The following AKAP6 variants were observed in gnomAD, a reference collection of about 807,000 sequenced individuals.
AKAP6 encodes the protein A-kinase anchoring protein 6.
In AKAP6, 58 loss-of-function variants were observed where a neutral mutation model predicts 188.5. The ratio of observed to expected loss-of-function variants is 0.31; its 90% CI spans 0.25 to 0.38. AKAP6 has a LOEUF of 0.38. Among genes scored for constraint, AKAP6 ranks in the 10% least tolerant of loss-of-function variants. AKAP6 has a pLI of 1.00. For missense variants in AKAP6, 2,710 were observed against 2,740.0 expected (o/e 0.99, Z 0.24); for synonymous variants, 989 against 998.6 (o/e 0.99, Z 0.18).
At chr14:32,824,855 T>C in intron 13 of AKAP6, 40 bp downstream of exon 13, 2 of 1,487,238 alleles carry the variant, frequency 1.3e-6, no homozygotes, top group Non-Finnish European at 1.8e-6. Context: ...TTTAAAATAT[T>C]GAGTTCAGGT....
At chr14:32,708,756 C>G (rs764030054) in intron 9 of AKAP6, among the ~76,000 whole-genome samples, 2 of 151,958 alleles carry the variant, frequency 1.3e-5, no homozygotes, top group Non-Finnish European at 2.9e-5. Context: ...CTTCTTGGCC[C>G]TCTTTGTGTC....
chr14:32,448,702 A>G (rs915354235), intron 2 of AKAP6, among the ~76,000 whole-genome samples: 9 of 152,226 alleles, frequency 5.9e-5, no homozygotes, highest in South Asian at 2.1e-4. Context: ...AATATTTTGC[A>G]TACTATATCA....
intron 1 of AKAP6, among the ~76,000 whole-genome samples, chr14:32,432,383 T>G (rs969928925): frequency 6.6e-6 from 1 of 152,188 alleles, no homozygotes. Flanking sequence ...ATTAAATTCA[T>G]CTTAAAATGC....
At chr14:32,354,745 C>T (rs1272160066) in intron 1 of AKAP6, among the ~76,000 whole-genome samples, 1 of 152,178 alleles carries the variant, frequency 6.6e-6, no homozygotes, top group East Asian at 1.9e-4. Flanking sequence ...AGCTCGTAAA[C>T]TAAAGCAATC....
chr14:32,604,427 A>G (rs1886054246), intron 7 of AKAP6, among the ~76,000 whole-genome samples: 1 of 152,224 alleles, frequency 6.6e-6, no homozygotes, highest in African/African-American at 2.4e-5. Context: ...GATGAATGTG[A>G]AATCAATTTA....
At chr14:32,764,681 A>G (rs1950222) in intron 11 of AKAP6, among the ~76,000 whole-genome samples, 137,291 of 151,952 alleles carry the variant, frequency 0.9, 62,063 homozygotes, top group African/African-American at 0.94. Flanking sequence ...TGTCAAATAG[A>G]TAGATGACAA....
At chr14:32,734,027 GA>G (rs1477184188) in intron 10 of AKAP6, 1 of 151,878 alleles carries the variant, frequency 6.6e-6, no homozygotes, top group Non-Finnish European at 1.5e-5. Context: ...ACATTATTTT[GA>G]AAAAAGAAAT....
chr14:32,363,333 T>A (rs9322901), intron 1 of AKAP6, among the ~76,000 whole-genome samples: 32,746 of 151,828 alleles, frequency 0.22, 3,725 homozygotes, highest in East Asian at 0.39. Flanking sequence ...GAGGGATAGT[T>A]CAAATAGGAC....
At chr14:32,774,951 C>T (rs185917920) in intron 12 of AKAP6, among the ~76,000 whole-genome samples, 45 of 152,266 alleles carry the variant, frequency 3.0e-4, no homozygotes, top group Non-Finnish European at 5.7e-4. Context: ...GGACTGGGAA[C>T]AGAAGGGACA....
chr14:32,355,959 C>T (rs757805874), intron 1 of AKAP6, among the ~76,000 whole-genome samples: 11 of 151,538 alleles, frequency 7.3e-5, no homozygotes, highest in Non-Finnish European at 1.5e-4. Context: ...ATATTTTTTT[C>T]GTAAAGACGG....
chr14:32,608,098 G>A (rs1886198051), intron 7 of AKAP6, among the ~76,000 whole-genome samples: 1 of 152,162 alleles, frequency 6.6e-6, no homozygotes, highest in South Asian at 2.1e-4. Context: ...GATCTAAGAT[G>A]AGGAATTTTT....
rs1480516045 is a variant in AKAP6, at chr14:32,823,127, G to T, written c.5314G>T (p.Asp1772Tyr). 1 of 1,613,656 alleles carries T rather than the reference G, an allele frequency of 6.2e-7. No individual in the cohort carries two copies. The highest frequency in any genetic ancestry group is 2.2e-5 in the East Asian group (1 of 44,874). Residue 1772 changes from aspartate to tyrosine, a missense_variant, in exon 13 of 14, where the codon GAT (aspartate) becomes TAT (tyrosine). Around this residue, in one of 2 missense-constraint regions of AKAP6, gnomAD observed 2,473 missense variants for 2,426.1 expected, o/e 1.02. Coordinates refer to ENST00000280979, the MANE Select transcript of AKAP6 (RefSeq NM_004274.5). Reference protein sequence around the residue: ...TLTEEELCIKDEDDDSSIATD... With the variant: ...TLTEEELCIKYEDDDSSIATD... ...GACTGAAGAAGAGCTGTGCATCAAA[G>T]ATGAGGATGACGACTCCAGTATTGC...
At chr14:32,564,938 T>G (rs185527803) in intron 4 of AKAP6, among the ~76,000 whole-genome samples, 100 of 152,334 alleles carry the variant, frequency 6.6e-4, no homozygotes, top group African/African-American at 2.2e-3. Flanking sequence ...TTTCTCTGAA[T>G]TCTGTTTATG....
At chr14:32,609,508 G>A (rs1886261983) in intron 7 of AKAP6, among the ~76,000 whole-genome samples, 1 of 152,098 alleles carries the variant, frequency 6.6e-6, no homozygotes, top group Non-Finnish European at 1.5e-5. Context: ...CAGGTTCCAG[G>A]CCATTTTGCA....
chr14:32,810,774 T>C (rs1221922563), intron 12 of AKAP6, among the ~76,000 whole-genome samples: 4 of 152,276 alleles, frequency 2.6e-5, no homozygotes, highest in African/African-American at 4.8e-5. Context: ...TGAGAGGCTA[T>C]TAAAGCACAG....
intron 12 of AKAP6, among the ~76,000 whole-genome samples, chr14:32,778,798 T>C (rs959060853): frequency 7.9e-5 from 12 of 151,312 alleles, no homozygotes; most frequent in African/African-American, 2.9e-4. Context: ...TCTCCCACCT[T>C]GGCCTCCCAC....
chr14:32,667,709 C>A (rs781157071), intron 7 of AKAP6, among the ~76,000 whole-genome samples: 4 of 151,976 alleles, frequency 2.6e-5, no homozygotes, highest in Non-Finnish European at 5.9e-5. Context: ...ATTATTAGAA[C>A]CCTAGGAGGC....
intron 5 of AKAP6, among the ~76,000 whole-genome samples, chr14:32,595,927 A>G (rs1311922595): frequency 6.6e-6 from 1 of 152,252 alleles, no homozygotes; most frequent in Admixed American, 6.5e-5. Flanking sequence ...TTTCATATCT[A>G]TAGGCTTGAC....
chr14:32,458,225 A>G (rs1245488815), intron 2 of AKAP6, among the ~76,000 whole-genome samples: 1 of 152,152 alleles, frequency 6.6e-6, no homozygotes, highest in Non-Finnish European at 1.5e-5. Context: ...GATAATGATC[A>G]TTTTTCTAAT....
Sources: allele counts gnomAD v4.1 joint callset (sites outside exome capture counted in the v4.1 genomes callset), GRCh38; gene constraint gnomAD v4.1.1; regional missense constraint gnomAD v4.1.1; transcripts MANE v1.5; gene names NCBI Gene and HGNC (gene_info 2026-07-23, HGNC 2026-07-21).